Variants in PPP1R9A observed in about 807,000 individuals in gnomAD.
PPP1R9A encodes neurabin-1.
PPP1R9A carries 59 observed loss-of-function variants against 141.9 expected under a neutral mutation model. That is an observed-to-expected ratio of 0.42 (90% CI 0.34 to 0.52). The LOEUF is 0.52. Ranked by LOEUF, PPP1R9A falls within the 20% of genes least tolerant of loss-of-function variation. The pLI, the probability that PPP1R9A is intolerant of heterozygous loss-of-function variation, is 0.10. For missense variants in PPP1R9A, 1,444 were observed against 1,611.9 expected, an observed-to-expected ratio of 0.90 and a Z score of 1.78; for synonymous variants, 500 against 569.7, an observed-to-expected ratio of 0.88 and a Z score of 1.74.
chr7:95,206,104 G>A (rs188365975), intron 7 of PPP1R9A, among the ~76,000 whole-genome samples: 1 of 152,186 alleles, frequency 6.6e-6, no homozygotes, highest in East Asian at 1.9e-4. Flanking sequence ...TAGTCAAAAT[G>A]GCCTAAATTA....
intron 2 of PPP1R9A, among the ~76,000 whole-genome samples, chr7:95,061,238 C>T (rs1254054818): frequency 1.3e-5 from 2 of 152,092 alleles, no homozygotes; most frequent in Non-Finnish European, 2.9e-5. Flanking sequence ...TAATGTCACC[C>T]ATATGAAGTT....
chr7:94,960,780 C>CT (rs1006366350), intron 2 of PPP1R9A, among the ~76,000 whole-genome samples: 2 of 151,264 alleles, frequency 1.3e-5, no homozygotes, highest in Non-Finnish European at 3.0e-5. Context: ...ATCCAGATCT[C>CT]TTTTTTTTAA....
At chr7:94,948,925 G>GGGCT (rs1179637585) in intron 2 of PPP1R9A, among the ~76,000 whole-genome samples, 34 of 151,932 alleles carry the variant, frequency 2.2e-4, no homozygotes, top group Admixed American at 2.2e-3. Flanking sequence ...CAAAACCCTG[G>GGGCT]GGCTAACTTG....
At chr7:94,934,953 G>C (rs1794608369) in intron 2 of PPP1R9A, among the ~76,000 whole-genome samples, 5 of 151,898 alleles carry the variant, frequency 3.3e-5, no homozygotes, top group Non-Finnish European at 7.4e-5. Flanking sequence ...CAAACTCCTG[G>C]GCTCAAGTGA....
intron 16 of PPP1R9A, among the ~76,000 whole-genome samples, chr7:95,282,622 A>C (rs1362711688): frequency 6.6e-6 from 1 of 152,202 alleles, no homozygotes; most frequent in Non-Finnish European, 1.5e-5. Context: ...GAGGCTGCAG[A>C]GGGGACAGCT....
chr7:95,285,095 C>T (rs1170618235), intron 17 of PPP1R9A, among the ~76,000 whole-genome samples: 1 of 152,188 alleles, frequency 6.6e-6, no homozygotes. Context: ...TCCATGTGCT[C>T]TAACCTAGAC....
intron 2 of PPP1R9A, among the ~76,000 whole-genome samples, chr7:95,108,146 G>C (rs564125969): frequency 2.6e-5 from 4 of 151,920 alleles, no homozygotes; most frequent in African/African-American, 7.2e-5. Flanking sequence ...GTAATCAGTT[G>C]TTTAATCTGC....
intron 2 of PPP1R9A, among the ~76,000 whole-genome samples, chr7:94,961,696 T>C (rs969452182): frequency 4.6e-5 from 7 of 151,886 alleles, no homozygotes; most frequent in Non-Finnish European, 1.0e-4. Flanking sequence ...AATGTCCTTT[T>C]AGGCAGCAAA....
chr7:95,102,538 G>A (rs1051166616), intron 2 of PPP1R9A, among the ~76,000 whole-genome samples: 3 of 152,228 alleles, frequency 2.0e-5, no homozygotes, highest in Admixed American at 6.5e-5. Flanking sequence ...AGCCCACAGC[G>A]TGTGGCAGCA....
intron 4 of PPP1R9A, among the ~76,000 whole-genome samples, chr7:95,141,163 T>C (rs1826604383): frequency 6.6e-6 from 1 of 152,164 alleles, no homozygotes; most frequent in African/African-American, 2.4e-5. Flanking sequence ...GGACAGATAA[T>C]AAAAAAATTT....
At position 95,296,087 on chromosome 7, in the gene PPP1R9A, A is replaced by G. The variant is rs1807066007; in HGVS notation, c.*5784A>G. The G allele has an allele frequency of 6.6e-6, 1 of 152,666 alleles. No homozygotes were observed. Among genetic ancestry groups the G allele is most frequent in the African/African-American group, 2.4e-5 (1 of 41,460 alleles). 9.5% of individuals were successfully genotyped at this position (152,666 alleles called of 1,614,324 possible). ...AATTTTAAGTCTGATAAGTATGGAT[A>G]GCATGTTACCTAAGCTTTTAATTTG... On this transcript the variant is annotated 3_prime_UTR_variant, in exon 20 of 20. Transcript: ENST00000433360.
intron 2 of PPP1R9A, among the ~76,000 whole-genome samples, chr7:94,936,352 T>C (rs1287412657): frequency 2.0e-5 from 3 of 152,200 alleles, no homozygotes; most frequent in Non-Finnish European, 4.4e-5. Flanking sequence ...TTCTTATTTC[T>C]GTTTTGCCCA....
intron 2 of PPP1R9A, among the ~76,000 whole-genome samples, chr7:95,078,537 A>T (rs1815237314): frequency 1.3e-5 from 2 of 152,204 alleles, no homozygotes; most frequent in East Asian, 1.9e-4. Flanking sequence ...CTAGTTCTAG[A>T]TCCCTGAGGA....
At chr7:95,179,357 A>G (rs1423884597) in intron 5 of PPP1R9A, among the ~76,000 whole-genome samples, 1 of 152,170 alleles carries the variant, frequency 6.6e-6, no homozygotes, top group Non-Finnish European at 1.5e-5. Flanking sequence ...TAACATTGGC[A>G]TGCAAGGGAC....
At chr7:95,003,714 A>G (rs184417876) in intron 2 of PPP1R9A, among the ~76,000 whole-genome samples, 1 of 152,276 alleles carries the variant, frequency 6.6e-6, no homozygotes, top group Non-Finnish European at 1.5e-5. Flanking sequence ...TACCAGTGTG[A>G]TCTTAACCCC....
chr7:94,910,449 AGTT>A lies in PPP1R9A; in HGVS notation c.340_342del (p.Val114del). On this transcript the variant is annotated inframe_deletion, in exon 2 of 20. Transcript: ENST00000433360. The surrounding 1 kb of genome is among the most constrained non-coding windows in gnomAD (Gnocchi z 4.5). ...AATTTCTGGAAAAAACAGATGGCTC[AGTT>A]GTTAAGTTGGAGTCTTCTGTTTCTG... is the stretch of plus-strand genomic sequence containing the variant. 1 of 1,614,222 alleles carries A rather than the reference AGTT, an allele frequency of 6.2e-7. No individual in the cohort carries two copies. Among genetic ancestry groups the A allele is most frequent in the Non-Finnish European group, 8.5e-7 (1 of 1,180,024 alleles).
chr7:94,928,949 T>C (rs1447446909), intron 2 of PPP1R9A, among the ~76,000 whole-genome samples: 1 of 152,144 alleles, frequency 6.6e-6, no homozygotes, highest in South Asian at 2.1e-4. Flanking sequence ...AGCCAATGAA[T>C]TATGCAGGAA....
At chr7:95,071,869 A>G (rs1218213690) in intron 2 of PPP1R9A, among the ~76,000 whole-genome samples, 1 of 151,872 alleles carries the variant, frequency 6.6e-6, no homozygotes, top group Non-Finnish European at 1.5e-5. Flanking sequence ...TTTCCAGGCT[A>G]TTTCCCTATG....
chr7:94,936,653 T>G (rs10237917), intron 2 of PPP1R9A, among the ~76,000 whole-genome samples: 74 of 39,190 alleles, frequency 1.9e-3, no homozygotes, highest in South Asian at 0.013. Flanking sequence ...TGTGTAGGGG[T>G]GTGTGTGTGT....
Sources: allele counts gnomAD v4.1 joint callset (sites outside exome capture counted in the v4.1 genomes callset), GRCh38; gene constraint gnomAD v4.1.1; non-coding constraint Gnocchi (gnomAD v3.1); transcripts MANE v1.5; gene names NCBI Gene and HGNC (gene_info 2026-07-23, HGNC 2026-07-21).